Variants in GRK3 observed in about 807,000 individuals in gnomAD.
The protein encoded by GRK3 is adrenergic, beta, receptor kinase 2.
A neutral mutation model predicts 95.7 loss-of-function variants in GRK3; 54 were observed. That is an observed-to-expected ratio of 0.56 (90% CI 0.45 to 0.71). The LOEUF (loss-of-function observed/expected upper bound fraction) is 0.71, where lower values mean the gene tolerates loss of function less well. Among genes scored for constraint, GRK3 ranks in the 30% least tolerant of loss-of-function variants. GRK3 has a pLI of 0.00. For synonymous variants in GRK3, 281 were observed against 290.8 expected, an observed-to-expected ratio of 0.97 and a Z score of 0.34; for missense variants, 649 against 851.2, an observed-to-expected ratio of 0.76 and a Z score of 2.96.
At chr22:25,573,799 T>A (rs1379959493) in intron 1 of GRK3, among the ~76,000 whole-genome samples, 1 of 152,058 alleles carries the variant, frequency 6.6e-6, no homozygotes, top group East Asian at 1.9e-4. Context: ...CTCAGGAGGC[T>A]GAGGCAGGAG....
At chr22:25,688,150 G>A (rs539835757) in intron 11 of GRK3, among the ~76,000 whole-genome samples, 21 of 151,378 alleles carry the variant, frequency 1.4e-4, no homozygotes, top group African/African-American at 4.4e-4. Context: ...GAAGGAGAAC[G>A]GAGTGAACCT....
chr22:25,725,550 C>T lies in GRK3; in HGVS notation c.*3100C>T. ...GTCATATTTAAGTATGATTTTTCAA[C>T]AAAACTTCTAGAAGTCAGCTTATTA... On this transcript the variant is annotated 3_prime_UTR_variant, in exon 21 of 21. Coordinates refer to ENST00000324198, the MANE Select transcript of GRK3 (RefSeq NM_005160.4). 2.5e-6 allele frequency: 1 copy of T among 398,550 alleles called. No individual in the cohort carries two copies. The allele number at this position is 398,550 out of a possible 1,614,324, so 24.7% of individuals were successfully genotyped here.
intron 17 of GRK3, among the ~76,000 whole-genome samples, chr22:25,712,170 G>T (rs1458315244): frequency 2.0e-5 from 3 of 152,218 alleles, no homozygotes; most frequent in East Asian, 3.9e-4. Flanking sequence ...GGTGATTGGG[G>T]TGTTCATGGG....
At chr22:25,668,319 T>A (rs770540989) in intron 6 of GRK3, among the ~76,000 whole-genome samples, 1 of 152,224 alleles carries the variant, frequency 6.6e-6, no homozygotes, top group Non-Finnish European at 1.5e-5. Context: ...TTTTTGAGTA[T>A]GTCTCTGTGA....
Position 25,565,116 on chromosome 22 carries a change from G to T in GRK3, c.76G>T (p.Ala26Ser). 6.5e-7 allele frequency: 1 copy of T among 1,548,378 alleles called. No individual in the cohort carries two copies. Among genetic ancestry groups the T allele is most frequent in the South Asian group, 1.2e-5 (1 of 83,934 alleles). ...GGAGAAGAGCAAGGCGACCCCGGCCGCCCGCGCCAGCAAGAGGATCGTCCT... is the reference window on the plus strand; with the variant it reads ...GGAGAAGAGCAAGGCGACCCCGGCCTCCCGCGCCAGCAAGAGGATCGTCCT... ...AMEKSKATPAARASKRIVLPE... is the reference protein window; with the variant it reads ...AMEKSKATPASRASKRIVLPE... Residue 26 changes from alanine (A) to serine (S), a missense_variant, in exon 1 of 21, where the codon GCC (alanine) becomes TCC (serine). This residue lies in a region of GRK3 where 206 missense variants were observed against 231.4 expected (regional missense o/e 0.89). Coordinates refer to ENST00000324198, the MANE Select transcript of GRK3 (RefSeq NM_005160.4).
intron 2 of GRK3, among the ~76,000 whole-genome samples, chr22:25,641,533 C>T (rs565329340): frequency 6.0e-4 from 92 of 152,214 alleles, no homozygotes; most frequent in African/African-American, 1.9e-3. Context: ...TATAAACATG[C>T]GACAATTTTT....
chr22:25,582,681 C>G (rs1424288631), intron 1 of GRK3, among the ~76,000 whole-genome samples: 1 of 152,164 alleles, frequency 6.6e-6, no homozygotes, highest in African/African-American at 2.4e-5. Context: ...GTACACATAT[C>G]AGTTTGGTTT....
At chr22:25,621,206 G>A (rs1208718316) in intron 2 of GRK3, among the ~76,000 whole-genome samples, 1 of 152,264 alleles carries the variant, frequency 6.6e-6, no homozygotes, top group Non-Finnish European at 1.5e-5. Flanking sequence ...TCCCACAAGT[G>A]TGGTGTGGTA....
At chr22:25,570,324 A>C (rs1431647384) in intron 1 of GRK3, among the ~76,000 whole-genome samples, 1 of 152,248 alleles carries the variant, frequency 6.6e-6, no homozygotes, top group African/African-American at 2.4e-5. Context: ...CCAAGGCCTC[A>C]AAACAGGATT....
chr22:25,626,076 C>T (rs2084625719), intron 2 of GRK3, among the ~76,000 whole-genome samples: 1 of 152,186 alleles, frequency 6.6e-6, no homozygotes, highest in South Asian at 2.1e-4. Context: ...TATTTCTACA[C>T]TCTCTCGTCG....
intron 1 of GRK3, among the ~76,000 whole-genome samples, chr22:25,567,884 G>A (rs1296658999): frequency 6.6e-6 from 1 of 152,228 alleles, no homozygotes; most frequent in East Asian, 1.9e-4. Flanking sequence ...GCCTATTACA[G>A]GAGAGTCTCA....
chr22:25,589,271 A>C (rs1184346052), intron 1 of GRK3, among the ~76,000 whole-genome samples: 1 of 152,240 alleles, frequency 6.6e-6, no homozygotes, highest in African/African-American at 2.4e-5. Flanking sequence ...GTTATCTAGC[A>C]GTGTCCTAAA....
chr22:25,648,855 G>A, intron 3 of GRK3: 1 of 1,048,892 alleles, frequency 9.5e-7, no homozygotes, highest in Non-Finnish European at 1.5e-6. Context: ...TTTTGGTTTA[G>A]CAAGGTTAAT....
chr22:25,645,459 G>A (rs2084774167), intron 3 of GRK3, among the ~76,000 whole-genome samples: 1 of 152,152 alleles, frequency 6.6e-6, no homozygotes, highest in Admixed American at 6.5e-5. Context: ...CACTAGAGGA[G>A]CCCCACATAT....
intron 1 of GRK3, among the ~76,000 whole-genome samples, chr22:25,579,684 G>A (rs1358550245): frequency 3.9e-5 from 6 of 152,088 alleles, no homozygotes; most frequent in South Asian, 2.1e-4. Context: ...GCGTTAGCCA[G>A]GATGGTCTCG....
chr22:25,724,799 G>A lies in GRK3; in HGVS notation c.*2349G>A, dbSNP rs1458739730. The A allele has an allele frequency of 6.6e-6, 1 of 152,140 alleles. No homozygotes were observed. Among genetic ancestry groups the A allele is most frequent in the East Asian group, 1.9e-4 (1 of 5,184 alleles). The allele number at this position is 152,140 out of a possible 1,614,324, so 9.4% of individuals were successfully genotyped here. ...CCGCTGTGTCTGCACCCGGTTGCCT[G>A]CATGGCCAGAGGAAAAGTCAGTTGG... On this transcript the variant is annotated 3_prime_UTR_variant, in exon 21 of 21. Transcript: ENST00000324198.
chr22:25,616,144 C>T (rs1054805335), intron 2 of GRK3, among the ~76,000 whole-genome samples: 40 of 152,210 alleles, frequency 2.6e-4, no homozygotes, highest in Admixed American at 1.2e-3. Context: ...GACTCAAGTG[C>T]TCCTGGATCA....
At chr22:25,636,028 T>A (rs1187696724) in intron 2 of GRK3, among the ~76,000 whole-genome samples, 2 of 152,180 alleles carry the variant, frequency 1.3e-5, no homozygotes, top group Non-Finnish European at 2.9e-5. Flanking sequence ...GATGTTCAAA[T>A]TTTCCCAGTT....
chr22:25,580,890 C>T (rs1172437184), intron 1 of GRK3, among the ~76,000 whole-genome samples: 5 of 152,032 alleles, frequency 3.3e-5, no homozygotes, highest in African/African-American at 7.3e-5. Context: ...TTTGGGTGGC[C>T]GAGGCAGGCG....
Sources: allele counts gnomAD v4.1 joint callset (sites outside exome capture counted in the v4.1 genomes callset), GRCh38; gene constraint gnomAD v4.1.1; regional missense constraint gnomAD v4.1.1; transcripts MANE v1.5; gene names NCBI Gene and HGNC (gene_info 2026-07-23, HGNC 2026-07-21).